EIF2AK4: variants seen among roughly 807,000 people sequenced by gnomAD.
The protein encoded by EIF2AK4 is eIF-2-alpha kinase GCN2.
A neutral mutation model predicts 211.1 loss-of-function variants in EIF2AK4; 139 were observed. The observed-to-expected ratio is 0.66, with a 90% confidence interval of 0.57 to 0.76. The LOEUF is 0.76. EIF2AK4 is among the 30% of genes least tolerant of loss of function. EIF2AK4 has a pLI of 0.00. For missense variants in EIF2AK4, 1,664 were observed against 2,043.8 expected, an observed-to-expected ratio of 0.81 and a Z score of 3.58; for synonymous variants, 710 against 751.3, an observed-to-expected ratio of 0.94 and a Z score of 0.90.
intron 21 of EIF2AK4, among the ~76,000 whole-genome samples, chr15:40,001,633 C>CAAAAAAA (rs11383908): frequency 9.1e-5 from 11 of 120,318 alleles, no homozygotes; most frequent in Non-Finnish European, 9.9e-5. Context: ...GACCCCAACT[C>CAAAAAAA]AAAAAAAAAA....
chr15:39,976,385 C>T (rs773375354), intron 11 of EIF2AK4, 29 bp from the exon 12 acceptor site: 16 of 1,560,238 alleles, frequency 1.0e-5, no homozygotes, highest in East Asian at 6.9e-5. Flanking sequence ...AGGCTCCGAG[C>T]GGCTGACCTT....
intron 6 of EIF2AK4, among the ~76,000 whole-genome samples, chr15:39,960,163 CAAAAAAAAAAAAA>C (rs926246870): frequency 4.3e-5 from 2 of 46,454 alleles, no homozygotes; most frequent in Admixed American, 2.1e-4. Context: ...GACTCCATCT[CAAAAAAAAAAAAA>C]AAAAAAAGAA....
chr15:39,993,080 C>T (rs144532058), intron 18 of EIF2AK4, among the ~76,000 whole-genome samples: 186 of 140,314 alleles, frequency 1.3e-3, no homozygotes, highest in African/African-American at 5.0e-3. Flanking sequence ...ATCCATTCAT[C>T]CATCCATCCA....
chr15:39,946,074 C>G (rs2034223866), intron 3 of EIF2AK4, among the ~76,000 whole-genome samples: 1 of 152,198 alleles, frequency 6.6e-6, no homozygotes. Flanking sequence ...AACACAACAT[C>G]CATTCTGTAG....
intron 16 of EIF2AK4, 67 bp from the exon 17 acceptor site, chr15:39,992,108 C>A: frequency 7.3e-7 from 1 of 1,367,614 alleles, no homozygotes; most frequent in Non-Finnish European, 1.0e-6. Flanking sequence ...CATTTAGAAA[C>A]AGACAAGCCA....
intron 4 of EIF2AK4, among the ~76,000 whole-genome samples, chr15:39,952,295 T>C (rs1166551584): frequency 0.018 from 2 of 110 alleles, no homozygotes; most frequent in African/African-American, 0.01. Flanking sequence ...ATTTTTTTTC[T>C]TTTTTTTTTT....
chr15:39,967,591 T>G lies in EIF2AK4; in HGVS notation c.1265T>G (p.Val422Gly), dbSNP rs200900376. The stretch of plus-strand genomic sequence containing the variant: ...GATTATCTGCACAGCAATTCTGTGG[T>G]GCATAAGGTCCTGAGTGCATCTAAT... ...GLDYLHSNSV[V>G]HKVLSASNVL... The change falls in exon 9 of 39, where the codon GTG becomes GGG. Residue 422 changes from valine to glycine, a missense_variant. Val to Gly is a moderately radical substitution (Grantham distance 109). Coordinates refer to ENST00000263791, the MANE Select transcript of EIF2AK4 (RefSeq NM_001013703.4). 305 of 1,614,066 alleles carry G rather than the reference T, an allele frequency of 1.9e-4. No homozygotes were observed. The African/African-American group carries it at 3.9e-3, about 21-fold the overall frequency.
chr15:39,950,709 C>T (rs939348344), intron 4 of EIF2AK4, among the ~76,000 whole-genome samples: 3 of 151,676 alleles, frequency 2.0e-5, no homozygotes, highest in African/African-American at 7.3e-5. Context: ...TATTTTGATC[C>T]TTCTATATAG....
In EIF2AK4 at chr15:39,965,679, T is replaced by C. The variant is rs747589004; in HGVS notation, c.860-7T>C. ...GGATTTAATTACACTTTCTGTTTAA[T>C]GTGCAGGCAGTGATGAACAACTTGG... On this transcript the variant is annotated splice_region_variant and splice_polypyrimidine_tract_variant and intron_variant, in intron 7 of 38. Transcript: ENST00000263791. 4 of 1,613,254 alleles carry C rather than the reference T, an allele frequency of 2.5e-6. No homozygotes were observed. The highest frequency in any genetic ancestry group is 1.1e-5 in the South Asian group (1 of 90,850).
At chr15:39,986,160 C>T (rs982336651) in intron 14 of EIF2AK4, among the ~76,000 whole-genome samples, 1 of 152,214 alleles carries the variant, frequency 6.6e-6, no homozygotes, top group Non-Finnish European at 1.5e-5. Context: ...TGCATGAACT[C>T]GGGCAAGGTT....
Position 40,035,096 on chromosome 15 carries a change from T to C in EIF2AK4, c.*12T>C. 6.4e-7 allele frequency: 1 copy of C among 1,557,792 alleles called. No homozygotes were observed. The highest frequency in any genetic ancestry group is 2.3e-5 in the East Asian group (1 of 44,030). The stretch of plus-strand genomic sequence containing the variant: ...GAATCTTATTTTAACCCTAAAGAAC[T>C]GTCGTTAACCTCATTCAAACAGACA... On this transcript the variant is annotated 3_prime_UTR_variant, in exon 39 of 39. Coordinates refer to ENST00000263791, the MANE Select transcript of EIF2AK4 (RefSeq NM_001013703.4).
At chr15:39,945,897 A>G (rs918070985) in intron 3 of EIF2AK4, among the ~76,000 whole-genome samples, 1 of 152,232 alleles carries the variant, frequency 6.6e-6, no homozygotes, top group Non-Finnish European at 1.5e-5. Flanking sequence ...ATGATGGCAC[A>G]TCTGTTACAG....
intron 37 of EIF2AK4, 56 bp downstream of exon 37, chr15:40,032,857 T>C (rs1595441519): frequency 6.6e-7 from 1 of 1,509,238 alleles, no homozygotes; most frequent in East Asian, 2.3e-5. Context: ...ATCTTTGCTA[T>C]TAGTTTGCCA....
intron 1 of EIF2AK4, among the ~76,000 whole-genome samples, chr15:39,939,264 G>A (rs2034110858): frequency 6.6e-6 from 1 of 152,214 alleles, no homozygotes. Context: ...CTGAACGAAT[G>A]GAAGCTGAGT....
intron 13 of EIF2AK4, among the ~76,000 whole-genome samples, chr15:39,985,108 A>C (rs568759218): frequency 4.4e-4 from 67 of 152,312 alleles, no homozygotes; most frequent in Non-Finnish European, 8.2e-4. Context: ...TATTGAGATA[A>C]TCATATGGTT....
chr15:40,012,154 T>A (rs1423249221), intron 27 of EIF2AK4, among the ~76,000 whole-genome samples: 1 of 152,150 alleles, frequency 6.6e-6, no homozygotes, highest in Non-Finnish European at 1.5e-5. Context: ...ACTCAATCTT[T>A]CGGACACCTA....
At chr15:39,977,151 AAAAC>A in intron 12 of EIF2AK4, 2 of 297,842 alleles carry the variant, frequency 6.7e-6, no homozygotes, top group Admixed American at 5.2e-5. Flanking sequence ...AAACAAAAAC[AAAAC>A]AAAACCACCA....
In EIF2AK4 at chr15:40,016,651, G is replaced by A. The variant is rs2035306259; in HGVS notation, c.3909G>A (p.Lys1303=). 1.2e-6 allele frequency: 2 copies of A among 1,614,120 alleles called. No individual in the cohort carries two copies. Among genetic ancestry groups the A allele is most frequent in the Non-Finnish European group, 1.7e-6 (2 of 1,180,018 alleles). The change falls in exon 28 of 39, where the codon AAG becomes AAA. Residue 1303 remains lysine (K), a synonymous_variant. Transcript: ENST00000263791. ...KDLEEVVGLL[K]KLGIKLQVLI... ...TAGAGGAGGTTGTTGGACTGTTGAA[G>A]AAACTCGGCATCAAGTTACAGGTTT...
At chr15:39,972,549 G>A (rs1007709065) in intron 9 of EIF2AK4, among the ~76,000 whole-genome samples, 6 of 151,960 alleles carry the variant, frequency 3.9e-5, no homozygotes, top group Admixed American at 2.6e-4. Context: ...ATTTATAACC[G>A]GTTCCTGCAA....
Sources: gnomAD v4.1 joint callset for allele counts (sites outside exome capture counted in the v4.1 genomes callset) on GRCh38, gnomAD v4.1.1 for gene constraint, MANE v1.5 for transcripts, NCBI Gene and HGNC (gene_info 2026-07-23, HGNC 2026-07-21) for gene names.